The following AUTS2 variants were observed in gnomAD, a reference collection of about 807,000 sequenced individuals.
The protein encoded by AUTS2 is autism susceptibility gene 2 protein.
AUTS2 carries 17 observed loss-of-function variants against 112.4 expected under a neutral mutation model. That is an observed-to-expected ratio of 0.15 (90% CI 0.10 to 0.23). The LOEUF is 0.23. Ranked by LOEUF, AUTS2 falls within the 10% of genes least tolerant of loss-of-function variation. The probability of loss-of-function intolerance (pLI) is 1.00; values close to 1 mark genes in which losing one functional copy is unlikely to be tolerated. For missense variants in AUTS2, 1,510 were observed against 1,701.6 expected, an observed-to-expected ratio of 0.89 and a Z score of 1.98; for synonymous variants, 751 against 702.7, an observed-to-expected ratio of 1.07 and a Z score of -1.09.
At chr7:69,654,631 C>G (rs576545626) in intron 1 of AUTS2, among the ~76,000 whole-genome samples, 2 of 152,266 alleles carry the variant, frequency 1.3e-5, no homozygotes, top group South Asian at 2.1e-4. Context: ...ACTAGGCAGC[C>G]CAGTTCCAGG....
chr7:69,870,960 A>G (rs891015489), intron 1 of AUTS2, among the ~76,000 whole-genome samples: 3 of 152,214 alleles, frequency 2.0e-5, no homozygotes, highest in South Asian at 2.1e-4. Context: ...TGTATGTAGA[A>G]TCACTGAATT....
chr7:70,519,369 G>A (rs536565206), intron 5 of AUTS2, among the ~76,000 whole-genome samples: 1 of 152,338 alleles, frequency 6.6e-6, no homozygotes, highest in African/African-American at 2.4e-5. Flanking sequence ...TGAGCTTTGA[G>A]TAGCTGGTGC....
chr7:70,230,947 G>A (rs1812014601), intron 4 of AUTS2, among the ~76,000 whole-genome samples: 1 of 152,216 alleles, frequency 6.6e-6, no homozygotes, highest in South Asian at 2.1e-4. Flanking sequence ...CACCCCGACA[G>A]CACTTCTGCA....
At chr7:70,071,863 T>C (rs1035464028) in intron 2 of AUTS2, among the ~76,000 whole-genome samples, 3 of 152,218 alleles carry the variant, frequency 2.0e-5, no homozygotes, top group African/African-American at 7.2e-5. Context: ...AGGGCTGTTT[T>C]ATTACTTAGT....
chr7:69,956,560 A>AG (rs1336285737), intron 2 of AUTS2, among the ~76,000 whole-genome samples: 7 of 152,248 alleles, frequency 4.6e-5, no homozygotes, highest in African/African-American at 1.7e-4. Context: ...CGAGATTTTT[A>AG]GGATAATCCA....
chr7:69,877,853 A>T (rs1343038879), intron 1 of AUTS2, among the ~76,000 whole-genome samples: 1 of 152,168 alleles, frequency 6.6e-6, no homozygotes, highest in Non-Finnish European at 1.5e-5. Flanking sequence ...TGGGAGAGAG[A>T]AATCATCCCT....
chr7:69,977,734 G>A (rs1211117016), intron 2 of AUTS2, among the ~76,000 whole-genome samples: 1 of 152,020 alleles, frequency 6.6e-6, no homozygotes, highest in African/African-American at 2.4e-5. Flanking sequence ...TTTTCTAGGG[G>A]CTTGTTTTGG....
At chr7:69,887,414 A>C (rs1423690484) in intron 1 of AUTS2, among the ~76,000 whole-genome samples, 2 of 122,824 alleles carry the variant, frequency 1.6e-5, no homozygotes, top group Admixed American at 8.0e-5. Flanking sequence ...AGACTTCATC[A>C]AAAAAAAAAA....
chr7:70,467,508 A>G (rs1329556310), intron 5 of AUTS2, among the ~76,000 whole-genome samples: 1 of 152,212 alleles, frequency 6.6e-6, no homozygotes, highest in African/African-American at 2.4e-5. Context: ...CAGATGCCAT[A>G]TTGGAGGCAT....
chr7:69,899,520 C>T (rs746001771), intron 2 of AUTS2, 22 bp downstream of exon 2: 1 of 1,612,064 alleles, frequency 6.2e-7, no homozygotes, highest in African/African-American at 1.3e-5. Context: ...TGGGTTCGCT[C>T]TTTCCTGTGG....
At chr7:70,590,160 A>ATG (rs1554436956) in intron 5 of AUTS2, among the ~76,000 whole-genome samples, 49,862 of 118,304 alleles carry the variant, frequency 0.42, 8,814 homozygotes, top group Middle Eastern at 0.51. Flanking sequence ...GTATGTATGT[A>ATG]TATATATATA....
At chr7:70,150,811 C>A (rs1455776291) in intron 4 of AUTS2, among the ~76,000 whole-genome samples, 1 of 152,054 alleles carries the variant, frequency 6.6e-6, no homozygotes, top group Admixed American at 6.5e-5. Flanking sequence ...TAATAGGAAT[C>A]TAAAGAAAAA....
intron 1 of AUTS2, among the ~76,000 whole-genome samples, chr7:69,892,648 T>C (rs1794578520): frequency 6.6e-6 from 1 of 152,216 alleles, no homozygotes; most frequent in Non-Finnish European, 1.5e-5. Context: ...TTTATTCTTT[T>C]ATGGATTATG....
At chr7:70,404,510 T>G (rs998736764) in intron 4 of AUTS2, among the ~76,000 whole-genome samples, 1 of 152,228 alleles carries the variant, frequency 6.6e-6, no homozygotes, top group Non-Finnish European at 1.5e-5. Flanking sequence ...AGGGATATGA[T>G]GTACCTTTTC....
intron 4 of AUTS2, among the ~76,000 whole-genome samples, chr7:70,375,725 G>A (rs898434166): frequency 6.6e-6 from 1 of 152,190 alleles, no homozygotes; most frequent in Admixed American, 6.5e-5. Flanking sequence ...AGTGTGTAAG[G>A]TGGGGTTGGT....
chr7:70,651,008 A>G (rs1222534786), intron 5 of AUTS2, among the ~76,000 whole-genome samples: 1 of 152,236 alleles, frequency 6.6e-6, no homozygotes, highest in African/African-American at 2.4e-5. Flanking sequence ...GGATGAAGAT[A>G]ATGTTGATAG....
At chr7:69,985,083 A>G (rs565991155) in intron 2 of AUTS2, among the ~76,000 whole-genome samples, 3 of 152,058 alleles carry the variant, frequency 2.0e-5, no homozygotes, top group African/African-American at 7.2e-5. Context: ...TTGGGCAGTA[A>G]AGAAGATGTG....
At chr7:69,996,848 C>T (rs1162929857) in intron 2 of AUTS2, among the ~76,000 whole-genome samples, 2 of 150,626 alleles carry the variant, frequency 1.3e-5, no homozygotes, top group Non-Finnish European at 1.5e-5. Context: ...AAAAAATACA[C>T]ATTTTATAAC....
At chr7:69,657,635 T>A (rs1795605131) in intron 1 of AUTS2, among the ~76,000 whole-genome samples, 1 of 152,070 alleles carries the variant, frequency 6.6e-6, no homozygotes, top group Non-Finnish European at 1.5e-5. Flanking sequence ...ATGTGGGTGG[T>A]GAAGGATTTT....
Sources: gnomAD v4.1 joint callset for allele counts (sites outside exome capture counted in the v4.1 genomes callset) on GRCh38, gnomAD v4.1.1 for gene constraint, MANE v1.5 for transcripts, NCBI Gene and HGNC (gene_info 2026-07-23, HGNC 2026-07-21) for gene names.